Variants in HSDL2 observed in about 807,000 individuals in gnomAD.
HSDL2 encodes the protein hydroxysteroid dehydrogenase-like protein 2.
Under a neutral mutation model 46.3 loss-of-function variants are expected in HSDL2, and 27 were observed. That is an observed-to-expected ratio of 0.58 (90% CI 0.43 to 0.80). The LOEUF is 0.80. Among genes scored for constraint, HSDL2 ranks in the 30% least tolerant of loss-of-function variants. The pLI is 0.00. For missense variants in HSDL2, 451 were observed against 502.7 expected, an observed-to-expected ratio of 0.90 and a Z score of 0.98; for synonymous variants, 153 against 163.6, an observed-to-expected ratio of 0.94 and a Z score of 0.50.
At chr9:112,448,637 C>T (rs1448179440) in intron 8 of HSDL2, among the ~76,000 whole-genome samples, 14 of 152,074 alleles carry the variant, frequency 9.2e-5, no homozygotes, top group South Asian at 2.1e-4. Flanking sequence ...CTGCAACGTC[C>T]GCCACCTGGG....
intron 3 of HSDL2, among the ~76,000 whole-genome samples, chr9:112,407,973 G>A (rs1484545293): frequency 6.6e-6 from 1 of 152,104 alleles, no homozygotes; most frequent in Non-Finnish European, 1.5e-5. Flanking sequence ...AAACTTGTTG[G>A]TTATAGGTAG....
chr9:112,403,637 C>T (rs188027022), intron 1 of HSDL2, among the ~76,000 whole-genome samples: 2 of 151,870 alleles, frequency 1.3e-5, no homozygotes, highest in African/African-American at 4.8e-5. Flanking sequence ...TGCTCATAAT[C>T]CCACCACTCA....
At chr9:112,420,029 A>C (rs1158563646) in intron 6 of HSDL2, among the ~76,000 whole-genome samples, 1 of 152,116 alleles carries the variant, frequency 6.6e-6, no homozygotes, top group Non-Finnish European at 1.5e-5. Flanking sequence ...GAAAACCTTA[A>C]CTTCTTTTTA....
intron 6 of HSDL2, among the ~76,000 whole-genome samples, chr9:112,420,435 C>T (rs7041981): frequency 0.28 from 41,835 of 151,438 alleles, 5,933 homozygotes; most frequent in Middle Eastern, 0.39. Flanking sequence ...CTTTGGGAGG[C>T]TGAGATTGGA....
chr9:112,387,214 GTTTCT>G (rs972270477), intron 1 of HSDL2, among the ~76,000 whole-genome samples: 14 of 150,952 alleles, frequency 9.3e-5, no homozygotes, highest in African/African-American at 1.5e-4. Context: ...CTGGGATTTG[GTTTCT>G]TTTCTTTTTT....
Position 112,419,256 on chromosome 9 carries a change from G to A in HSDL2, c.598+298G>A, listed in dbSNP as rs571848158. Among the ~76,000 whole-genome samples the A allele has an allele frequency of 3.3e-5, 5 of 152,198 alleles. No homozygotes were observed. The East Asian group carries it at 9.7e-4, about 29-fold the overall frequency. ...ACTCCTCAAGTGATCCTCCCACCTT[G>A]GCCTCCCAAAGTGCTGGGATTACAA... On this transcript the variant is annotated intron_variant, in intron 6 of 10. Transcript: ENST00000398805.
chr9:112,424,253 A>G (rs1444367771), intron 6 of HSDL2, among the ~76,000 whole-genome samples: 3 of 151,118 alleles, frequency 2.0e-5, no homozygotes, highest in Non-Finnish European at 4.4e-5. Context: ...CCTGGGAGGC[A>G]GAGCTTGCAG....
intron 10 of HSDL2, among the ~76,000 whole-genome samples, chr9:112,460,823 ATATG>A: frequency 6.6e-6 from 1 of 152,312 alleles, no homozygotes; most frequent in East Asian, 1.9e-4. Context: ...CATAATATAC[ATATG>A]TATGATGCTA....
At chr9:112,421,505 AT>A (rs1438865067) in intron 6 of HSDL2, among the ~76,000 whole-genome samples, 1 of 152,154 alleles carries the variant, frequency 6.6e-6, no homozygotes, top group African/African-American at 2.4e-5. Context: ...TTGTAAATGC[AT>A]GATATTTTTG....
chr9:112,403,209 C>T (rs1237837598), intron 1 of HSDL2, among the ~76,000 whole-genome samples: 1 of 152,110 alleles, frequency 6.6e-6, no homozygotes, highest in East Asian at 1.9e-4. Context: ...CTTTAATCAT[C>T]CTAGAAGGAA....
chr9:112,470,459 T>C lies in HSDL2; in HGVS notation c.1172T>C (p.Met391Thr), dbSNP rs751965902. ...AAACTAAAACCAACAATGGCATTCA[T>C]GTCAGGGAAATTGAAGATTAAAGGT... is the stretch of plus-strand genomic sequence containing the variant. ...SGKLKPTMAF[M>T]SGKLKIKGNM... Residue 391 changes from methionine to threonine, a missense_variant, in exon 11 of 11, where the codon ATG becomes ACG. By Grantham distance (81) the Met-to-Thr change is moderately conservative (BLOSUM62 -1). Transcript: ENST00000398805. The C allele has an allele frequency of 6.2e-6, 10 of 1,611,406 alleles. No individual in the cohort carries two copies. The highest frequency in any genetic ancestry group is 4.4e-5 in the South Asian group (4 of 90,608).
intron 1 of HSDL2, among the ~76,000 whole-genome samples, chr9:112,397,188 A>G (rs930850698): frequency 6.6e-6 from 1 of 152,166 alleles, no homozygotes; most frequent in Admixed American, 6.5e-5. Context: ...AGGCTCCAAG[A>G]AAAGAATCAG....
At chr9:112,386,880 A>G (rs766473819) in intron 1 of HSDL2, among the ~76,000 whole-genome samples, 1 of 152,188 alleles carries the variant, frequency 6.6e-6, no homozygotes, top group Non-Finnish European at 1.5e-5. Flanking sequence ...CCAGATATGG[A>G]CTCCACTACA....
At chr9:112,434,361 T>G (rs1832470611) in intron 6 of HSDL2, among the ~76,000 whole-genome samples, 1 of 152,280 alleles carries the variant, frequency 6.6e-6, no homozygotes, top group Admixed American at 6.5e-5. Flanking sequence ...ATATTACAAA[T>G]AGATTTGGGA....
intron 6 of HSDL2, among the ~76,000 whole-genome samples, chr9:112,435,491 G>A (rs940674782): frequency 6.6e-6 from 1 of 152,086 alleles, no homozygotes; most frequent in Admixed American, 6.5e-5. Flanking sequence ...ATGAGAGCCT[G>A]GCTCTGAAGT....
chr9:112,462,119 T>C (rs2900543), intron 10 of HSDL2, among the ~76,000 whole-genome samples: 145,468 of 152,292 alleles, frequency 0.96, 69,538 homozygotes, highest in African/African-American at 0.98. Context: ...TTCTCTTTGA[T>C]GAGACCATAG....
intron 10 of HSDL2, among the ~76,000 whole-genome samples, chr9:112,460,333 TCTAATTCAGGATG>T (rs1833165412): frequency 6.6e-6 from 1 of 152,206 alleles, no homozygotes; most frequent in South Asian, 2.1e-4. Context: ...TCTTTACAGT[TCTAATTCAGGATG>T]CTAATTGCCT....
chr9:112,428,266 C>G (rs1264240509), intron 6 of HSDL2, among the ~76,000 whole-genome samples: 1 of 152,232 alleles, frequency 6.6e-6, no homozygotes, highest in Non-Finnish European at 1.5e-5. Context: ...GTCCAGGAAT[C>G]AGTTTGGTTA....
intron 1 of HSDL2, among the ~76,000 whole-genome samples, chr9:112,380,646 A>G (rs139651059): frequency 6.6e-6 from 1 of 152,142 alleles, no homozygotes; most frequent in Non-Finnish European, 1.5e-5. Flanking sequence ...ATCTTAAAAC[A>G]TGGGTATCTT....
Sources: allele counts gnomAD v4.1 joint callset (sites outside exome capture counted in the v4.1 genomes callset), GRCh38; gene constraint gnomAD v4.1.1; transcripts MANE v1.5; gene names NCBI Gene and HGNC (gene_info 2026-07-23, HGNC 2026-07-21).